The following ZMAT4 variants were observed in gnomAD, a reference collection of about 807,000 sequenced individuals.
ZMAT4 encodes zinc finger matrin-type 4, also known as zinc finger matrin-type protein 4.
A neutral mutation model predicts 28.7 loss-of-function variants in ZMAT4; 17 were observed. The observed-to-expected ratio is 0.59, with a 90% CI of 0.41 to 0.89. ZMAT4 has a LOEUF of 0.89. ZMAT4 is among the 40% of genes least tolerant of loss of function. The pLI is 0.00. For synonymous variants in ZMAT4, 117 were observed against 109.2 expected (o/e 1.07, Z -0.44); for missense variants, 240 against 283.8 (o/e 0.85, Z 1.11).
At chr8:40,586,190 C>T (rs2118562045) in intron 5 of ZMAT4, among the ~76,000 whole-genome samples, 1 of 152,260 alleles carries the variant, frequency 6.6e-6, no homozygotes, top group African/African-American at 2.4e-5. Flanking sequence ...TTTATTAATG[C>T]ACAGTTGAAA....
chr8:40,631,831 G>C (rs1354077411), intron 5 of ZMAT4, among the ~76,000 whole-genome samples: 1 of 152,174 alleles, frequency 6.6e-6, no homozygotes, highest in Non-Finnish European at 1.5e-5. Flanking sequence ...AAAGGTGTCT[G>C]AACACAAGAC....
At chr8:40,743,599 C>G (rs1033162300) in intron 3 of ZMAT4, among the ~76,000 whole-genome samples, 5 of 152,248 alleles carry the variant, frequency 3.3e-5, no homozygotes, top group African/African-American at 4.8e-5. Context: ...AGGAGGACCA[C>G]AGCGGACTAA....
chr8:40,648,283 G>A (rs1807447138), intron 5 of ZMAT4, among the ~76,000 whole-genome samples: 1 of 151,870 alleles, frequency 6.6e-6, no homozygotes, highest in Non-Finnish European at 1.5e-5. Context: ...GAATGCAGAA[G>A]CCTCAGGAGC....
At chr8:40,811,321 A>G (rs1247390377) in intron 2 of ZMAT4, among the ~76,000 whole-genome samples, 3 of 152,226 alleles carry the variant, frequency 2.0e-5, no homozygotes, top group Non-Finnish European at 4.4e-5. Context: ...CCCCAGACCC[A>G]GGGCTGGGTA....
intron 3 of ZMAT4, among the ~76,000 whole-genome samples, chr8:40,741,650 A>G (rs1488251037): frequency 6.6e-6 from 1 of 152,194 alleles, no homozygotes; most frequent in Admixed American, 6.5e-5. Flanking sequence ...GGGAATATCA[A>G]TGACTCCCAT....
chr8:40,709,030 A>T (rs1325906321), intron 3 of ZMAT4, among the ~76,000 whole-genome samples: 1 of 152,146 alleles, frequency 6.6e-6, no homozygotes, highest in African/African-American at 2.4e-5. Flanking sequence ...TTCAGTATCC[A>T]TGGGGAATTG....
At chr8:40,860,838 G>C (rs954824384) in intron 1 of ZMAT4, among the ~76,000 whole-genome samples, 3 of 152,158 alleles carry the variant, frequency 2.0e-5, no homozygotes, top group Admixed American at 1.3e-4. Context: ...AGTGCAATCG[G>C]ACCAATGACT....
At chr8:40,761,520 T>A (rs1812936815) in intron 3 of ZMAT4, among the ~76,000 whole-genome samples, 1 of 152,134 alleles carries the variant, frequency 6.6e-6, no homozygotes, top group Non-Finnish European at 1.5e-5. Flanking sequence ...CCAGCTTCCA[T>A]CAAAAAATCA....
chr8:40,607,999 G>T (rs1308133399), intron 5 of ZMAT4, among the ~76,000 whole-genome samples: 1 of 152,100 alleles, frequency 6.6e-6, no homozygotes, highest in African/African-American at 2.4e-5. Flanking sequence ...TTGGTCTTAT[G>T]TTGGTTGGCC....
intron 2 of ZMAT4, among the ~76,000 whole-genome samples, chr8:40,784,480 G>C (rs912558471): frequency 2.6e-5 from 4 of 152,120 alleles, no homozygotes; most frequent in African/African-American, 9.7e-5. Flanking sequence ...CGGAAATATT[G>C]ATAGCATTCT....
chr8:40,540,301 G>A (rs1340265914), intron 6 of ZMAT4, among the ~76,000 whole-genome samples: 1 of 152,118 alleles, frequency 6.6e-6, no homozygotes, highest in Admixed American at 6.6e-5. Flanking sequence ...ACTCTGGCTT[G>A]TGAAGGGTCC....
At chr8:40,639,761 G>A (rs992662689) in intron 5 of ZMAT4, among the ~76,000 whole-genome samples, 2 of 103,782 alleles carry the variant, frequency 1.9e-5, no homozygotes, top group African/African-American at 7.1e-5. Flanking sequence ...ACAAAATTAA[G>A]TCCTTTTGTT....
At chr8:40,715,630 C>T (rs1810817762) in intron 3 of ZMAT4, among the ~76,000 whole-genome samples, 1 of 152,152 alleles carries the variant, frequency 6.6e-6, no homozygotes, top group South Asian at 2.1e-4. Flanking sequence ...AACCCCTCAT[C>T]CCACAATTTT....
intron 3 of ZMAT4, among the ~76,000 whole-genome samples, chr8:40,759,186 G>A (rs1563463912): frequency 6.6e-6 from 1 of 151,296 alleles, no homozygotes; most frequent in African/African-American, 2.4e-5. Flanking sequence ...GGAGGCTGAG[G>A]CAGGAGAATC....
intron 2 of ZMAT4, among the ~76,000 whole-genome samples, chr8:40,823,709 G>T (rs1815917488): frequency 2.2e-5 from 2 of 91,602 alleles, no homozygotes; most frequent in Admixed American, 1.9e-4. Context: ...ACACACACGT[G>T]TGTGTGTGTG....
At chr8:40,749,239 G>A (rs1812362850) in intron 3 of ZMAT4, among the ~76,000 whole-genome samples, 1 of 152,110 alleles carries the variant, frequency 6.6e-6, no homozygotes, top group African/African-American at 2.4e-5. Flanking sequence ...AGAGGTTCAG[G>A]ATCATCTGGT....
chr8:40,594,495 T>A (rs1370558555), intron 5 of ZMAT4, among the ~76,000 whole-genome samples: 2 of 152,238 alleles, frequency 1.3e-5, no homozygotes, highest in Non-Finnish European at 2.9e-5. Context: ...TTTCATTCTA[T>A]ATGTGTTTGT....
At chr8:40,824,748 GAAA>G (rs1187704268) in intron 2 of ZMAT4, among the ~76,000 whole-genome samples, 3 of 139,636 alleles carry the variant, frequency 2.1e-5, no homozygotes, top group Non-Finnish European at 4.7e-5. Context: ...AGAAAGAAAA[GAAA>G]AAAAGAAAGA....
intron 3 of ZMAT4, among the ~76,000 whole-genome samples, chr8:40,756,250 G>A (rs943429608): frequency 3.3e-5 from 5 of 151,818 alleles, no homozygotes; most frequent in African/African-American, 1.2e-4. Context: ...TCCAAAGTCT[G>A]TGTTCCATTC....
Sources: allele counts gnomAD v4.1 joint callset (sites outside exome capture counted in the v4.1 genomes callset), GRCh38; gene constraint gnomAD v4.1.1; transcripts MANE v1.5; gene names NCBI Gene and HGNC (gene_info 2026-07-23, HGNC 2026-07-21).